Variants in PAX5 observed in about 807,000 individuals in gnomAD.
PAX5 encodes paired box protein Pax-5.
A neutral mutation model predicts 43.7 loss-of-function variants in PAX5; 9 were observed. The ratio of observed to expected loss-of-function variants is 0.21; its 90% CI spans 0.12 to 0.36. The LOEUF is 0.36. Among genes scored for constraint, PAX5 ranks in the 10% least tolerant of loss-of-function variants. PAX5 has a pLI of 1.00. For missense variants in PAX5, 383 were observed against 532.7 expected (o/e 0.72, Z 2.77); for synonymous variants, 228 against 214.3 (o/e 1.06, Z -0.56).
At chr9:36,869,819 G>A (rs1358734434) in intron 8 of PAX5, among the ~76,000 whole-genome samples, 6 of 151,978 alleles carry the variant, frequency 3.9e-5, no homozygotes, top group Non-Finnish European at 8.8e-5. Context: ...TAGATGGATG[G>A]ATGGATGAAT....
Position 37,034,113 on chromosome 9 carries a change from T to TC in PAX5, c.-83_-82insG. 1.2e-6 allele frequency: 1 copy of TC among 841,098 alleles called. No individual in the cohort carries two copies. Among genetic ancestry groups the TC allele is most frequent in the Non-Finnish European group, 1.8e-6 (1 of 546,560 alleles). The allele number at this position is 841,098 out of a possible 1,614,324, so 52.1% of individuals were successfully genotyped here. ...CTTTTTTTTTCTTTTTTTTTTTTTT[T>TC]TTTTTTTTTTTTTGGTGCCAGGGGC... On this transcript the variant is annotated 5_prime_UTR_variant, in exon 1 of 10. Coordinates refer to ENST00000358127, the MANE Select transcript of PAX5 (RefSeq NM_016734.3).
intron 5 of PAX5, among the ~76,000 whole-genome samples, chr9:36,987,363 T>C (rs1836520108): frequency 1.3e-5 from 2 of 152,254 alleles, no homozygotes; most frequent in African/African-American, 4.8e-5. Flanking sequence ...TTCAGAAATG[T>C]GTCCCTTGCC....
intron 7 of PAX5, among the ~76,000 whole-genome samples, chr9:36,922,085 C>G (rs1221953815): frequency 6.6e-6 from 1 of 152,192 alleles, no homozygotes; most frequent in Non-Finnish European, 1.5e-5. Flanking sequence ...CCTGACTGGC[C>G]CTTACGTGGT....
At chr9:37,006,200 C>G (rs1325803539) in intron 4 of PAX5, among the ~76,000 whole-genome samples, 3 of 114,824 alleles carry the variant, frequency 2.6e-5, no homozygotes, top group Non-Finnish European at 3.9e-5. Context: ...TCTATAGACC[C>G]CCATTAGTGG....
chr9:36,869,883 G>A (rs1382674586), intron 8 of PAX5, among the ~76,000 whole-genome samples: 2 of 148,480 alleles, frequency 1.3e-5, no homozygotes, highest in Non-Finnish European at 3.0e-5. Flanking sequence ...TAAATGGATG[G>A]ATGGATGGAT....
rs1821518985 is a variant in PAX5, at chr9:36,834,680, C to T, written c.*5880G>A. The T allele has an allele frequency of 4.3e-6, 1 of 233,176 alleles. No individual in the cohort carries two copies. Among genetic ancestry groups the T allele is most frequent in the African/African-American group, 2.2e-5 (1 of 45,332 alleles). The allele number at this position is 233,176 out of a possible 1,614,324, so 14.4% of individuals were successfully genotyped here. A position where few individuals can be genotyped will look rare whatever the true frequency, so the allele number is the denominator to read the frequency against. On this transcript the variant is annotated 3_prime_UTR_variant, in exon 10 of 10. Transcript: ENST00000358127. ...AAAGAAGGGCGCCATTAAATGGTTT[C>T]CTTTCTGTTCCACTCCAAGGGAAAT...
chr9:36,954,092 T>TATC (rs1333254200), intron 6 of PAX5, among the ~76,000 whole-genome samples: 2 of 152,112 alleles, frequency 1.3e-5, no homozygotes, highest in African/African-American at 4.8e-5. Flanking sequence ...AATATATACC[T>TATC]ATCTAATAAT....
chr9:36,849,823 A>T (rs1822975964), intron 8 of PAX5, among the ~76,000 whole-genome samples: 1 of 152,186 alleles, frequency 6.6e-6, no homozygotes, highest in Non-Finnish European at 1.5e-5. Context: ...CGCTCTGGGT[A>T]AGGGGCGTTT....
At chr9:36,846,240 T>A (rs560136413) in intron 9 of PAX5, among the ~76,000 whole-genome samples, 6 of 152,352 alleles carry the variant, frequency 3.9e-5, no homozygotes, top group Non-Finnish European at 7.3e-5. Flanking sequence ...CAGATCAGAC[T>A]GCCACCAGTC....
chr9:37,033,903 T>G lies in PAX5; in HGVS notation c.46+83A>C, dbSNP rs1408450113. 1.1e-5 allele frequency: 14 copies of G among 1,277,854 alleles called. No homozygotes were observed. In the Admixed American group the frequency reaches 2.6e-4, roughly 24 times the overall value. 79.2% of individuals were successfully genotyped at this position (1,277,854 alleles called of 1,614,324 possible). ...TACGAAAATGCGGCGCGCCCCCTCC[T>G]CCTCCAGGGTCACCCTGCGTGGGGA... On this transcript the variant is annotated intron_variant, in intron 1 of 9. Transcript: ENST00000358127.
intron 1 of PAX5, chr9:37,026,816 G>T: frequency 1.4e-6 from 1 of 709,026 alleles, no homozygotes. Context: ...AACTCCGGCT[G>T]GCTTCCCTCC....
intron 5 of PAX5, among the ~76,000 whole-genome samples, chr9:36,997,239 C>T (rs1168443637): frequency 6.6e-6 from 1 of 152,152 alleles, no homozygotes; most frequent in Non-Finnish European, 1.5e-5. Flanking sequence ...AGTCCAGAGC[C>T]CAGAAGGCTG....
chr9:36,947,300 T>C (rs1339641014), intron 6 of PAX5, among the ~76,000 whole-genome samples: 2 of 152,238 alleles, frequency 1.3e-5, no homozygotes, highest in Non-Finnish European at 2.9e-5. Flanking sequence ...ACCATAAATG[T>C]CCTGTCAGGC....
chr9:36,923,281 G>T, intron 7 of PAX5, 74 bp downstream of exon 7: 1 of 1,530,398 alleles, frequency 6.5e-7, no homozygotes, highest in Non-Finnish European at 8.8e-7. Flanking sequence ...ACACCAAGAA[G>T]CCACTCTTCC....
rs1839318682 is a variant in PAX5, at chr9:37,015,632, T to C, written c.213-438A>G. Reference sequence around the variant, plus strand: ...TTCGCTCTTGTTGCCCAGGCTGGAATGCAATGGCGTGATCTTGGCTCACTG... The same window carrying C: ...TTCGCTCTTGTTGCCCAGGCTGGAACGCAATGGCGTGATCTTGGCTCACTG... On this transcript the variant is annotated intron_variant, in intron 2 of 9. Transcript: ENST00000358127. This position sits in a 1 kb window ranked among gnomAD's most constrained non-coding sequence, Gnocchi z 4.4. Among the ~76,000 whole-genome samples, 1 of 151,998 alleles carries C rather than the reference T, an allele frequency of 6.6e-6. No homozygotes were observed. The highest frequency in any genetic ancestry group is 6.6e-5 in the Admixed American group (1 of 15,256).
intron 5 of PAX5, among the ~76,000 whole-genome samples, chr9:36,978,806 T>C (rs1192756645): frequency 6.6e-6 from 1 of 152,140 alleles, no homozygotes; most frequent in African/African-American, 2.4e-5. Flanking sequence ...TATCAGGCCA[T>C]TTCGATGGGG....
chr9:36,980,640 T>C (rs1041066854), intron 5 of PAX5, among the ~76,000 whole-genome samples: 11 of 152,126 alleles, frequency 7.2e-5, no homozygotes, highest in African/African-American at 2.7e-4. Context: ...CAGTCTAATC[T>C]GGCCACAGTG....
rs1315144380 is a variant in PAX5, at chr9:37,003,169, A to AACAAAAAAC, written c.476-394_476-393insGTTTTTTGT. ...AGTCAGTGCTTAAAAAAAAAAAAAA[A>AACAAAAAAC]AAAAAAAAAAAACCTGAACTACTCG... On this transcript the variant is annotated intron_variant, in intron 4 of 9. Coordinates refer to ENST00000358127, the MANE Select transcript of PAX5 (RefSeq NM_016734.3). 5.4e-3 allele frequency among the ~76,000 whole-genome samples: 803 copies of AACAAAAAAC among 149,464 alleles called. 6 individuals are homozygous for AACAAAAAAC. The highest frequency in any genetic ancestry group is 8.8e-3 in the Non-Finnish European group (593 of 67,358).
At chr9:36,978,335 A>G (rs1014025562) in intron 5 of PAX5, among the ~76,000 whole-genome samples, 1 of 152,240 alleles carries the variant, frequency 6.6e-6, no homozygotes, top group Non-Finnish European at 1.5e-5. Flanking sequence ...ATGAAATATT[A>G]CTAGGAGCAA....
Sources: gnomAD v4.1 joint callset for allele counts (sites outside exome capture counted in the v4.1 genomes callset) on GRCh38, gnomAD v4.1.1 for gene constraint, Gnocchi (gnomAD v3.1) non-coding constraint, MANE v1.5 for transcripts, NCBI Gene and HGNC (gene_info 2026-07-23, HGNC 2026-07-21) for gene names.